The following RREB1 variants were observed in gnomAD, a reference collection of about 807,000 sequenced individuals.
The protein encoded by RREB1 is ras responsive element binding protein 1.
In RREB1, 27 loss-of-function variants were observed where a neutral mutation model predicts 117.8. The ratio of observed to expected loss-of-function variants is 0.23; its 90% confidence interval spans 0.17 to 0.32. The LOEUF is 0.32. Ranked by LOEUF, RREB1 falls within the 10% of genes least tolerant of loss-of-function variation. The pLI is 1.00. For synonymous variants in RREB1, 1,298 were observed against 1,026.7 expected, an observed-to-expected ratio of 1.26 and a Z score of -5.05; for missense variants, 2,577 against 2,378.2, an observed-to-expected ratio of 1.08 and a Z score of -1.74.
At chr6:7,167,640 A>C (rs1467732195) in intron 1 of RREB1, among the ~76,000 whole-genome samples, 1 of 152,102 alleles carries the variant, frequency 6.6e-6, no homozygotes, top group African/African-American at 2.4e-5. Context: ...CGGGGACAGG[A>C]ATTTTTTTAG....
At chr6:7,153,423 C>CAT (rs71896229) in intron 1 of RREB1, among the ~76,000 whole-genome samples, 30 of 151,788 alleles carry the variant, frequency 2.0e-4, no homozygotes, top group African/African-American at 7.0e-4. Context: ...TACACACACA[C>CAT]ACACACACAC....
intron 6 of RREB1, among the ~76,000 whole-genome samples, chr6:7,205,346 A>G (rs1766214184): frequency 6.6e-6 from 1 of 152,212 alleles, no homozygotes; most frequent in Non-Finnish European, 1.5e-5. Flanking sequence ...GGAGACTGAC[A>G]GGATTGTCCC....
chr6:7,173,730 AGAATCGCCT>A (rs1010387744), intron 1 of RREB1, among the ~76,000 whole-genome samples: 2 of 152,180 alleles, frequency 1.3e-5, no homozygotes, highest in East Asian at 1.9e-4. Flanking sequence ...TTGAGGCACA[AGAATCGCCT>A]GAACCAGGGA....
intron 1 of RREB1, among the ~76,000 whole-genome samples, chr6:7,136,844 C>T (rs575065): frequency 1.5e-3 from 222 of 152,298 alleles, no homozygotes; most frequent in African/African-American, 4.9e-3. Flanking sequence ...GTTAACCAAA[C>T]GTGTTGTGTT....
At chr6:7,197,923 T>C (rs758548503) in intron 6 of RREB1, among the ~76,000 whole-genome samples, 2 of 152,208 alleles carry the variant, frequency 1.3e-5, no homozygotes, top group Non-Finnish European at 2.9e-5. Flanking sequence ...GCTCTGAATT[T>C]AGCATGCTAC....
chr6:7,247,338 C>A, intron 12 of RREB1, 117 bp downstream of exon 12: 1 of 913,002 alleles, frequency 1.1e-6, no homozygotes, highest in Non-Finnish European at 1.6e-6. Context: ...CTTACGTTGC[C>A]GGTGTGCCCT....
intron 1 of RREB1, among the ~76,000 whole-genome samples, chr6:7,159,971 G>A (rs1327493994): frequency 6.6e-6 from 1 of 152,142 alleles, no homozygotes; most frequent in Non-Finnish European, 1.5e-5. Context: ...AGCTCAGCTG[G>A]CCCATAGTTG....
intron 1 of RREB1, among the ~76,000 whole-genome samples, chr6:7,171,130 G>T (rs1246188194): frequency 2.0e-5 from 3 of 152,184 alleles, no homozygotes; most frequent in Non-Finnish European, 4.4e-5. Flanking sequence ...CAGGATTCAG[G>T]CAGAGCCTCC....
Position 7,247,124 on chromosome 6 carries a change from G to A in RREB1, c.4674G>A (p.Val1558=), listed in dbSNP as rs1436766792. Residue 1558 remains valine, a synonymous_variant, in exon 12 of 13, where the codon GTG becomes GTA. Transcript: ENST00000379938. The stretch of plus-strand genomic sequence containing the variant: ...CAAAGACAGACTCCCCCAAAAGCGT[G>A]GCCAGCAAGGCAGACAAGAGGAAGA... ...KKPKTDSPKS[V]ASKADKRKKV... 2.5e-6 allele frequency: 4 copies of A among 1,613,800 alleles called. No homozygotes were observed. The South Asian group carries it at 4.4e-5, about 18-fold the overall frequency.
chr6:7,209,188 A>G (rs1766440285), intron 6 of RREB1, among the ~76,000 whole-genome samples: 1 of 152,202 alleles, frequency 6.6e-6, no homozygotes, highest in South Asian at 2.1e-4. Flanking sequence ...GGGCTCATGA[A>G]CTGTTTACAG....
At chr6:7,187,359 C>T in intron 4 of RREB1, 75 bp from the exon 5 acceptor site, 1 of 899,344 alleles carries the variant, frequency 1.1e-6, no homozygotes, top group Non-Finnish European at 1.8e-6. Context: ...GTGCTTATTA[C>T]ACTTATTACA....
chr6:7,126,273 T>G (rs149703121), intron 1 of RREB1, among the ~76,000 whole-genome samples: 2 of 152,084 alleles, frequency 1.3e-5, no homozygotes, highest in Admixed American at 1.3e-4. Flanking sequence ...GTGCTGGGAT[T>G]ACAGGCGTGA....
In RREB1 at chr6:7,231,710, C is replaced by G. The variant is rs562046172; in HGVS notation, c.3611C>G (p.Thr1204Ser). Residue 1204 changes from threonine to serine, a missense_variant, in exon 10 of 13, where the codon ACT becomes AGT. Coordinates refer to ENST00000379938, the MANE Select transcript of RREB1 (RefSeq NM_001003699.4). ...TTTCTGCAGACAGCGGAGGACAACA[C>G]TCAGGATGAGGTGGCCGGAGCCCCT... The part of the protein sequence containing the change: ...SPFLQTAEDN[T>S]QDEVAGAPAD... The G allele has an allele frequency of 1.1e-5, 17 of 1,613,574 alleles. No homozygotes were observed. Among genetic ancestry groups the G allele is most frequent in the Non-Finnish European group, 1.4e-5 (17 of 1,179,846 alleles).
chr6:7,230,302 G>C lies in RREB1; in HGVS notation c.2203G>C (p.Glu735Gln). The change falls in exon 10 of 13, where the codon GAG becomes CAG. Residue 735 changes from glutamate to glutamine, a missense_variant. Physicochemically the swap from Glu to Gln is conservative, Grantham distance 29. Transcript: ENST00000379938. ...ATRKDIEKNI[E>Q]YVSSSAAELV... Reference sequence around the variant, plus strand: ...CCGCAAGGATATCGAGAAGAACATCGAGTATGTGAGTAGCAGCGCGGCCGA... The same window carrying C: ...CCGCAAGGATATCGAGAAGAACATCCAGTATGTGAGTAGCAGCGCGGCCGA... 6.3e-7 allele frequency: 1 copy of C among 1,592,238 alleles called. No homozygotes were observed. Among genetic ancestry groups the C allele is most frequent in the Non-Finnish European group, 8.5e-7 (1 of 1,174,746 alleles).
At chr6:7,218,515 C>T (rs1047005744) in intron 8 of RREB1, 1 of 152,066 alleles carries the variant, frequency 6.6e-6, no homozygotes, top group African/African-American at 2.4e-5. Context: ...TTTTGGTGTC[C>T]TTGTTTTCCA....
chr6:7,108,531 C>G (rs964072856), intron 1 of RREB1: 6 of 152,306 alleles, frequency 3.9e-5, no homozygotes. Context: ...ATGGTGCGCG[C>G]ACCGCCGGCC....
At chr6:7,204,449 A>C (rs562105092) in intron 6 of RREB1, among the ~76,000 whole-genome samples, 45 of 152,268 alleles carry the variant, frequency 3.0e-4, no homozygotes, top group African/African-American at 1.1e-3. Flanking sequence ...TTCTAGAATC[A>C]TACTTTGGCC....
rs765158225 is a variant in RREB1, at chr6:7,230,646, C to T, written c.2547C>T (p.Gly849=). The T allele has an allele frequency of 1.2e-6, 2 of 1,600,196 alleles. No individual in the cohort carries two copies. Among genetic ancestry groups the T allele is most frequent in the Admixed American group, 1.7e-5 (1 of 57,858 alleles). ...CGTCGGGGCGCGGGGAGGACAGTGG[C>T]TGCGCTGCCCTTGGTGACTGCAAGC... ...AEASGRGEDS[G]CAALGDCKPL... is the part of the protein sequence containing the mutation. Residue 849 remains glycine (G), a synonymous_variant, in exon 10 of 13, where the codon GGC becomes GGT. Coordinates refer to ENST00000379938, the MANE Select transcript of RREB1 (RefSeq NM_001003699.4).
At chr6:7,182,794 T>C (rs1764875883) in intron 4 of RREB1, among the ~76,000 whole-genome samples, 1 of 152,220 alleles carries the variant, frequency 6.6e-6, no homozygotes, top group Non-Finnish European at 1.5e-5. Context: ...TCTGGATCCA[T>C]GTAATACGAG....
Sources: gnomAD v4.1 joint callset for allele counts (sites outside exome capture counted in the v4.1 genomes callset) on GRCh38, gnomAD v4.1.1 for gene constraint, MANE v1.5 for transcripts, NCBI Gene and HGNC (gene_info 2026-07-23, HGNC 2026-07-21) for gene names.